DOCK1: variants seen among roughly 807,000 people sequenced by gnomAD.
DOCK1 encodes dedicator of cytokinesis 1.
Under a neutral mutation model 262.7 loss-of-function variants are expected in DOCK1, and 138 were observed. The observed-to-expected ratio is 0.53, with a 90% CI of 0.46 to 0.61. DOCK1 has a LOEUF of 0.61. Ranked by LOEUF, DOCK1 falls within the 20% of genes least tolerant of loss-of-function variation. The probability of loss-of-function intolerance (pLI) is 0.00; values close to 1 mark genes in which losing one functional copy is unlikely to be tolerated. For missense variants in DOCK1, 1,908 were observed against 2,370.7 expected, an observed-to-expected ratio of 0.80 and a Z score of 4.05; for synonymous variants, 866 against 867.4, an observed-to-expected ratio of 1.00 and a Z score of 0.03.
At chr10:126,925,854 G>T (rs1249763049) in intron 1 of DOCK1, among the ~76,000 whole-genome samples, 1 of 151,920 alleles carries the variant, frequency 6.6e-6, no homozygotes, top group South Asian at 2.1e-4. Context: ...TCACAGTAGG[G>T]TGTGATGTGG....
At position 127,292,648 on chromosome 10, in the gene DOCK1, T is replaced by G. The variant is rs556774959; in HGVS notation, c.3044+35219T>G. Among the ~76,000 whole-genome samples the G allele has an allele frequency of 5.3e-5, 8 of 152,348 alleles. No individual in the cohort carries two copies. The South Asian group carries it at 1.7e-3, about 32-fold the overall frequency. On this transcript the variant is annotated intron_variant, in intron 29 of 51. Transcript: ENST00000623213. ...GACTCCCTGTTTCTCAGATGCACTG[T>G]TGCTTACATCTTTGTATGCTTTTGC...
intron 27 of DOCK1, among the ~76,000 whole-genome samples, chr10:127,128,969 C>T (rs972421858): frequency 9.2e-5 from 14 of 152,102 alleles, no homozygotes; most frequent in Non-Finnish European, 1.5e-4. Flanking sequence ...TTGGAGTTTT[C>T]CCTTGACATC....
At chr10:127,423,797 G>T (rs1078336) in intron 46 of DOCK1, among the ~76,000 whole-genome samples, 20,418 of 152,102 alleles carry the variant, frequency 0.13, 1,725 homozygotes, top group African/African-American at 0.24. Context: ...CTGTGCAGGG[G>T]ACAGACAGGA....
intron 23 of DOCK1, among the ~76,000 whole-genome samples, chr10:127,081,177 C>T (rs1204999455): frequency 6.6e-6 from 1 of 152,120 alleles, no homozygotes; most frequent in Non-Finnish European, 1.5e-5. Context: ...GAGGAAGGGA[C>T]TGCTGGCGGT....
intron 22 of DOCK1, among the ~76,000 whole-genome samples, chr10:127,054,473 C>A (rs552929813): frequency 2.6e-5 from 4 of 152,234 alleles, no homozygotes; most frequent in South Asian, 2.1e-4. Context: ...ATATGCATGA[C>A]CTTTGGTGTG....
intron 1 of DOCK1, among the ~76,000 whole-genome samples, chr10:126,961,362 C>T (rs1009143075): frequency 1.3e-5 from 2 of 152,050 alleles, no homozygotes; most frequent in African/African-American, 2.4e-5. Context: ...CTGAGGCGGG[C>T]GGATCACTTG....
chr10:127,101,544 C>A (rs768641909), intron 23 of DOCK1, among the ~76,000 whole-genome samples: 1 of 152,182 alleles, frequency 6.6e-6, no homozygotes, highest in Non-Finnish European at 1.5e-5. Context: ...ATTCCATGTC[C>A]CCGCCTCAGG....
chr10:127,297,175 C>G (rs1350164019), intron 29 of DOCK1, among the ~76,000 whole-genome samples: 1 of 152,128 alleles, frequency 6.6e-6, no homozygotes, highest in Non-Finnish European at 1.5e-5. Flanking sequence ...TGTGGGTGGA[C>G]ACCATTAATG....
chr10:127,064,057 T>C (rs1591862160), intron 23 of DOCK1, among the ~76,000 whole-genome samples: 1 of 152,272 alleles, frequency 6.6e-6, no homozygotes, highest in South Asian at 2.1e-4. Flanking sequence ...TTTAACTCTT[T>C]CAGTTTTGCT....
intron 27 of DOCK1, among the ~76,000 whole-genome samples, chr10:127,190,836 TC>T (rs2056700734): frequency 6.6e-6 from 1 of 151,680 alleles, no homozygotes; most frequent in Admixed American, 6.6e-5. Flanking sequence ...CTAACTTACT[TC>T]CCAGTGCTAC....
chr10:127,424,611 C>T (rs1010271768), intron 46 of DOCK1, among the ~76,000 whole-genome samples: 1 of 152,274 alleles, frequency 6.6e-6, no homozygotes, highest in African/African-American at 2.4e-5. Flanking sequence ...TCCCCCAAGG[C>T]GGAACTCAGG....
chr10:127,407,624 T>C lies in DOCK1; in HGVS notation c.4123-1413T>C, dbSNP rs541883994. ...GACTTCAATCTTAGTCTTTAGGGGG[T>C]AAGTGTAAAAATATGCAGCAAAATG... On this transcript the variant is annotated intron_variant, in intron 40 of 51. Coordinates refer to ENST00000623213, the MANE Select transcript of DOCK1 (RefSeq NM_001290223.2). Among the ~76,000 whole-genome samples the C allele has an allele frequency of 3.0e-4, 45 of 152,174 alleles. 2 individuals are homozygous for C. In the South Asian group the frequency reaches 8.1e-3, roughly 27 times the overall value.
chr10:127,374,989 A>T (rs2065409635), intron 35 of DOCK1, among the ~76,000 whole-genome samples: 1 of 152,262 alleles, frequency 6.6e-6, no homozygotes, highest in African/African-American at 2.4e-5. Context: ...CAGCCACAGG[A>T]AACCAGATCT....
chr10:127,338,658 CAT>C (rs1450281544), intron 29 of DOCK1, among the ~76,000 whole-genome samples: 2 of 152,186 alleles, frequency 1.3e-5, no homozygotes, highest in Non-Finnish European at 2.9e-5. Flanking sequence ...TCAGTGGAAT[CAT>C]AGAACATTAA....
At chr10:127,107,111 C>T (rs189999124) in intron 24 of DOCK1, among the ~76,000 whole-genome samples, 10 of 152,236 alleles carry the variant, frequency 6.6e-5, no homozygotes, top group Admixed American at 6.5e-5. Flanking sequence ...CGTGCGCCAC[C>T]GCTCCCACCC....
At chr10:127,159,738 C>A (rs2133636738) in intron 27 of DOCK1, among the ~76,000 whole-genome samples, 1 of 152,160 alleles carries the variant, frequency 6.6e-6, no homozygotes, top group Admixed American at 6.5e-5. Context: ...TGAAAAGAAA[C>A]AAAGAAGGGC....
chr10:127,302,741 G>GGTGTGT (rs1196456742), intron 29 of DOCK1, among the ~76,000 whole-genome samples: 2 of 108,134 alleles, frequency 1.8e-5, no homozygotes, highest in Admixed American at 8.9e-5. Flanking sequence ...GAAAAGAGGG[G>GGTGTGT]GTGTGTGTGT....
rs1285886924 is a variant in DOCK1 at position 127,032,339 on chromosome 10, A to C, written c.1912+19A>C. 1 of 1,495,798 alleles carries C rather than the reference A, an allele frequency of 6.7e-7. No homozygotes were observed. Among genetic ancestry groups the C allele is most frequent in the South Asian group, 1.4e-5 (1 of 71,600 alleles). The allele number at this position is 1,495,798 out of a possible 1,614,324, so 92.7% of individuals were successfully genotyped here. A position where few individuals can be genotyped will look rare whatever the true frequency, so the allele number is the denominator to read the frequency against. ...CAGAACGGTGCGTTCGAGAGGAGAA[A>C]CACACTCACCCCAGGAGCTCTGCCC... is the stretch of plus-strand genomic sequence containing the variant. On this transcript the variant is annotated intron_variant, in intron 18 of 51. Coordinates refer to ENST00000623213, the MANE Select transcript of DOCK1 (RefSeq NM_001290223.2).
At chr10:127,440,150 G>A (rs1293884906) in intron 49 of DOCK1, among the ~76,000 whole-genome samples, 1 of 121,596 alleles carries the variant, frequency 8.2e-6, no homozygotes, top group East Asian at 2.9e-4. Context: ...TGGTGAGAAA[G>A]AGAGTATGGG....
Sources: gnomAD v4.1 joint callset for allele counts (sites outside exome capture counted in the v4.1 genomes callset) on GRCh38, gnomAD v4.1.1 for gene constraint, MANE v1.5 for transcripts, NCBI Gene and HGNC (gene_info 2026-07-23, HGNC 2026-07-21) for gene names.